Variants in UNC80 observed in about 807,000 individuals in gnomAD.
The protein encoded by UNC80 is protein unc-80 homolog.
A neutral mutation model predicts 384.6 loss-of-function variants in UNC80; 164 were observed. The observed-to-expected ratio is 0.43, with a 90% CI of 0.38 to 0.49. The LOEUF is 0.49. UNC80 is among the 20% of genes least tolerant of loss of function. The pLI, the probability that UNC80 is intolerant of heterozygous loss-of-function variation, is 0.00. For missense variants in UNC80, 3,330 were observed against 4,143.0 expected, an observed-to-expected ratio of 0.80 and a Z score of 5.39; for synonymous variants, 1,486 against 1,527.8, an observed-to-expected ratio of 0.97 and a Z score of 0.64.
chr2:209,914,734 T>C, intron 31 of UNC80, among the ~76,000 whole-genome samples: 1 of 152,114 alleles, frequency 6.6e-6, no homozygotes, highest in South Asian at 2.1e-4. Context: ...GTATTGAATG[T>C]TTTGTTTTTC....
chr2:209,957,504 A>G (rs2092458175), intron 48 of UNC80, 140 bp from the exon 49 acceptor site: 1 of 675,580 alleles, frequency 1.5e-6, no homozygotes, highest in Non-Finnish European at 2.4e-6. Flanking sequence ...AGAAAAGCCC[A>G]AAGCTAGACA....
rs1053784816 is a variant in UNC80, at chr2:209,876,026, C to T, written c.3841-1928C>T. On this transcript the variant is annotated intron_variant, in intron 23 of 64. Transcript: ENST00000673920. The stretch of plus-strand genomic sequence containing the variant: ...GTAGTTTTCCAGTCCCACAGCTCCC[C>T]GACCCTCTCCCTCTCTGAGCTGAAT... 7.9e-5 allele frequency among the ~76,000 whole-genome samples: 12 copies of T among 152,130 alleles called. No individual in the cohort carries two copies. In the South Asian group the frequency reaches 1.0e-3, roughly 13 times the overall value.
At position 209,816,911 on chromosome 2, in the gene UNC80, C is replaced by G; in HGVS notation, c.1338C>G (p.Phe446Leu). 3 of 1,551,648 alleles carry G rather than the reference C, an allele frequency of 1.9e-6. No homozygotes were observed. Among genetic ancestry groups the G allele is most frequent in the Non-Finnish European group, 2.6e-6 (3 of 1,146,988 alleles). Residue 446 changes from phenylalanine (F) to leucine (L), a missense_variant and splice_region_variant, in exon 10 of 65, where the codon TTC (phenylalanine) becomes TTG (leucine). Phe to Leu is a conservative substitution (Grantham distance 22, BLOSUM62 0). Around this residue, in one of 8 missense-constraint regions of UNC80, gnomAD observed 937 missense variants for 1,026.8 expected, o/e 0.91. Coordinates refer to ENST00000673920, the MANE Select transcript of UNC80 (RefSeq NM_001371986.1). The stretch of plus-strand genomic sequence containing the variant: ...TTCTACACCTCTCATCACTGTAGTT[C>G]AAGAGCCGCAAAGAAGACCGAGAGA... ...SDLGMNIFKKFKSRKEDRERK... is the reference protein window; with the variant it reads ...SDLGMNIFKKLKSRKEDRERK...
chr2:209,984,803 T>G lies in UNC80; in HGVS notation c.9258-53T>G, dbSNP rs905153715. ...TTGCATGCCTTTTTTCTTTTTTCTTTTTTTTTTTCATTTTCTTTCCCTAAA... is the reference window on the plus strand; with the variant it reads ...TTGCATGCCTTTTTTCTTTTTTCTTGTTTTTTTTCATTTTCTTTCCCTAAA... On this transcript the variant is annotated intron_variant, in intron 60 of 64. Transcript: ENST00000673920. 1.1e-5 allele frequency: 16 copies of G among 1,490,850 alleles called. No individual in the cohort carries two copies. In the South Asian group the frequency reaches 1.8e-4, roughly 17 times the overall value. 92.4% of individuals were successfully genotyped at this position (1,490,850 alleles called of 1,614,324 possible).
intron 62 of UNC80, among the ~76,000 whole-genome samples, chr2:209,992,747 A>C (rs539732444): frequency 6.6e-6 from 1 of 152,394 alleles, no homozygotes; most frequent in East Asian, 1.9e-4. Context: ...GCATAAAGGC[A>C]AAGAAAAAGA....
chr2:209,895,494 A>C (rs947670821), intron 27 of UNC80, among the ~76,000 whole-genome samples: 1 of 152,128 alleles, frequency 6.6e-6, no homozygotes, highest in Admixed American at 6.6e-5. Flanking sequence ...TCTTAAGGAG[A>C]CTTTTTTTTA....
At chr2:209,899,910 A>G (rs2087205472) in intron 28 of UNC80, among the ~76,000 whole-genome samples, 1 of 152,150 alleles carries the variant, frequency 6.6e-6, no homozygotes, top group Non-Finnish European at 1.5e-5. Context: ...CAGGGACTAG[A>G]CTATTCAGTT....
Position 209,836,560 on chromosome 2 carries a change from T to C in UNC80, c.3041+1550T>C, listed in dbSNP as rs143375034. ...TTAGCACATCTATTCTTTCTTCTTA[T>C]GTGAAGATACATGTTTCAATATGCC... On this transcript the variant is annotated intron_variant, in intron 18 of 64. Coordinates refer to ENST00000673920, the MANE Select transcript of UNC80 (RefSeq NM_001371986.1). 5.0e-3 allele frequency among the ~76,000 whole-genome samples: 762 copies of C among 152,384 alleles called. 8 individuals carry two copies. Among genetic ancestry groups the C allele is most frequent in the African/African-American group, 0.015 (643 of 41,596 alleles).
intron 47 of UNC80, 141 bp from the exon 48 acceptor site, chr2:209,953,959 C>T: frequency 1.1e-6 from 1 of 891,908 alleles, no homozygotes; most frequent in Non-Finnish European, 1.6e-6. Context: ...GCAGCTTTAA[C>T]TGCTTTTGAT....
At chr2:209,823,993 C>G (rs988995113) in intron 13 of UNC80, among the ~76,000 whole-genome samples, 6 of 152,072 alleles carry the variant, frequency 3.9e-5, no homozygotes, top group African/African-American at 1.4e-4. Flanking sequence ...GCAGTCAAAA[C>G]TTTATTTCAT....
rs2079856597 is a variant in UNC80, at chr2:209,817,887, A to G, written c.1628A>G (p.His543Arg). 2 of 1,551,542 alleles carry G rather than the reference A, an allele frequency of 1.3e-6. No individual in the cohort carries two copies. Among genetic ancestry groups the G allele is most frequent in the Middle Eastern group, 1.7e-4 (1 of 5,992 alleles). ...ESLSARHSHS[H>R]HTLVSDLPDP... The stretch of plus-strand genomic sequence containing the variant: ...CTGAGCGCCAGGCATTCCCACTCCC[A>G]TCACACCCTGGTAAGCGACCTGCCG... Residue 543 changes from histidine (H) to arginine (R), a missense_variant, in exon 11 of 65, where the codon CAT (histidine) becomes CGT (arginine). His to Arg is a conservative substitution (Grantham distance 29, BLOSUM62 0). Coordinates refer to ENST00000673920, the MANE Select transcript of UNC80 (RefSeq NM_001371986.1).
rs541509536 is a variant in UNC80 at position 209,940,086 on chromosome 2, A to G, written c.6646+434A>G. On this transcript the variant is annotated intron_variant, in intron 43 of 64. Coordinates refer to ENST00000673920, the MANE Select transcript of UNC80 (RefSeq NM_001371986.1). Reference sequence around the variant, plus strand: ...TCCCAAGCACCACATTTTGAGAACCACTGCTCTAAGCTAGTCATCAGCAGT... The same window carrying G: ...TCCCAAGCACCACATTTTGAGAACCGCTGCTCTAAGCTAGTCATCAGCAGT... 2.6e-5 allele frequency among the ~76,000 whole-genome samples: 4 copies of G among 152,336 alleles called. No homozygotes were observed. In the South Asian group the frequency reaches 8.3e-4, roughly 32 times the overall value.
Position 209,943,596 on chromosome 2 carries a change from A to G in UNC80, c.7050+82A>G, listed in dbSNP as rs1042644617. Reference sequence around the variant, plus strand: ...GTTATTTATTAGAGCTTACTATGGCAAGGGAGTTGGCTACCATCACTTGTG... The same window carrying G: ...GTTATTTATTAGAGCTTACTATGGCGAGGGAGTTGGCTACCATCACTTGTG... On this transcript the variant is annotated intron_variant, in intron 45 of 64. Transcript: ENST00000673920. 29 of 1,485,956 alleles carry G rather than the reference A, an allele frequency of 2.0e-5. No homozygotes were observed. The African/African-American group carries it at 4.1e-4, about 21-fold the overall frequency. 92.0% of individuals were successfully genotyped at this position (1,485,956 alleles called of 1,614,324 possible). A position where few individuals can be genotyped will look rare whatever the true frequency, so the allele number is the denominator to read the frequency against.
At chr2:209,992,474 T>G (rs939355407) in intron 62 of UNC80, among the ~76,000 whole-genome samples, 3 of 149,824 alleles carry the variant, frequency 2.0e-5, no homozygotes, top group Non-Finnish European at 3.0e-5. Context: ...TAAAACAATG[T>G]TTTTTTTTTA....
At chr2:209,945,797 C>A in intron 46 of UNC80, 50 bp from the exon 47 acceptor site, 1 of 1,290,376 alleles carries the variant, frequency 7.7e-7, no homozygotes, top group Non-Finnish European at 1.1e-6. Flanking sequence ...GCTTCTTTAT[C>A]TCCTGCAAAA....
At chr2:209,983,143 C>T (rs1397274651) in intron 60 of UNC80, among the ~76,000 whole-genome samples, 1 of 152,032 alleles carries the variant, frequency 6.6e-6, no homozygotes. Context: ...CATTGTAGTA[C>T]AATTCAGACA....
chr2:209,976,336 A>G lies in UNC80; in HGVS notation c.8772+33A>G. On this transcript the variant is annotated intron_variant, in intron 57 of 64. Coordinates refer to ENST00000673920, the MANE Select transcript of UNC80 (RefSeq NM_001371986.1). The surrounding 1 kb of genome is among the most constrained non-coding windows in gnomAD (Gnocchi z 4.3). ...GTGTGCTTCTCCTCCTGAAAGTGGC[A>G]AGCTCAAATGAATGTGTGGCTCTCT... The G allele has an allele frequency of 1.3e-6, 2 of 1,551,542 alleles. No individual in the cohort carries two copies. Among genetic ancestry groups the G allele is most frequent in the South Asian group, 2.4e-5 (2 of 84,022 alleles).
rs2153825793 is a variant in UNC80 at position 209,793,867 on chromosome 2, A to T, written c.938+8A>T. On this transcript the variant is annotated splice_region_variant and intron_variant, in intron 7 of 64. Coordinates refer to ENST00000673920, the MANE Select transcript of UNC80 (RefSeq NM_001371986.1). ...AGGCCCATCACATTCCAGGTACCTG[A>T]TTGCAATGTTAGGGACAAAATGTGT... 1 of 1,613,750 alleles carries T rather than the reference A, an allele frequency of 6.2e-7. No individual in the cohort carries two copies. The highest frequency in any genetic ancestry group is 8.5e-7 in the Non-Finnish European group (1 of 1,179,820).
Position 209,921,527 on chromosome 2 carries a change from C to T in UNC80, c.5371C>T (p.Arg1791Cys), listed in dbSNP as rs1201504693. ...SKSFSARAVS[R>C]SHQRAEHILK... Reference sequence around the variant, plus strand: ...ATCCTTTTCAGCCCGGGCTGTGTCCCGCTCCCATCAAAGGGCAGAACACAT... The same window carrying T: ...ATCCTTTTCAGCCCGGGCTGTGTCCTGCTCCCATCAAAGGGCAGAACACAT... Residue 1791 changes from arginine (R) to cysteine (C), a missense_variant, in exon 34 of 65, where the codon CGC (arginine) becomes TGC (cysteine). By Grantham distance (180) the Arg-to-Cys change is radical (BLOSUM62 -3). Transcript: ENST00000673920. 1.9e-6 allele frequency: 3 copies of T among 1,551,386 alleles called. No individual in the cohort carries two copies. Among genetic ancestry groups the T allele is most frequent in the African/African-American group, 1.4e-5 (1 of 72,984 alleles).
Sources: allele counts gnomAD v4.1 joint callset (sites outside exome capture counted in the v4.1 genomes callset), GRCh38; gene constraint gnomAD v4.1.1; regional missense constraint gnomAD v4.1.1; non-coding constraint Gnocchi (gnomAD v3.1); transcripts MANE v1.5; gene names NCBI Gene and HGNC (gene_info 2026-07-23, HGNC 2026-07-21).